The following ATM variants were observed in gnomAD, a reference collection of about 807,000 sequenced individuals.
The protein encoded by ATM is serine-protein kinase ATM.
In ATM, 308 loss-of-function variants were observed where a neutral mutation model predicts 387.0. The ratio of observed to expected loss-of-function variants is 0.80; its 90% CI spans 0.73 to 0.87. The LOEUF (loss-of-function observed/expected upper bound fraction) is 0.87. Among genes scored for constraint, ATM ranks in the 40% least tolerant of loss-of-function variants. The pLI is 0.00. For missense variants in ATM, 3,312 were observed against 3,560.9 expected (o/e 0.93, Z 1.78); for synonymous variants, 1,156 against 1,187.3 (o/e 0.97, Z 0.54).
chr11:108,301,669 T>A lies in ATM; in HGVS notation c.5199T>A (p.Ala1733=). The part of the protein sequence containing the change: ...VEDCVKVRSA[A]VTCLKNILAT... ...TCAGTGTCAAAGTTCGATCAGCAGC[T>A]GTTACCTGTTTGAAAAACATTTTAG... Residue 1733 remains alanine (A), a synonymous_variant, in exon 35 of 63, where the codon GCT becomes GCA. Transcript: ENST00000675843. The A allele has an allele frequency of 6.2e-7, 1 of 1,613,760 alleles. No homozygotes were observed. The highest frequency in any genetic ancestry group is 2.2e-5 in the East Asian group (1 of 44,790).
intron 61 of ATM, among the ~76,000 whole-genome samples, chr11:108,364,223 T>G (rs1309961896): frequency 1.3e-5 from 2 of 152,226 alleles, no homozygotes; most frequent in East Asian, 3.8e-4. Context: ...AGCAAAAAAG[T>G]GTTCCAACCT....
intron 27 of ATM, 70 bp downstream of exon 27, chr11:108,287,785 ACCTTCAATGTCT>A: frequency 9.4e-7 from 1 of 1,068,682 alleles, no homozygotes; most frequent in Middle Eastern, 2.0e-4. Flanking sequence ...ATTGGTTGAC[ACCTTCAATGTCT>A]ATTTCAATTT....
chr11:108,272,664 G>A, intron 21 of ATM, 57 bp downstream of exon 21: 1 of 1,612,730 alleles, frequency 6.2e-7, no homozygotes, highest in East Asian at 2.2e-5. Flanking sequence ...AGCAGTCTTT[G>A]TTTGTTAATG....
chr11:108,253,102 C>T (rs2080242898), intron 12 of ATM, among the ~76,000 whole-genome samples, 190 bp downstream of exon 12: 2 of 151,952 alleles, frequency 1.3e-5, no homozygotes, highest in Admixed American at 1.3e-4. Context: ...AACATTAGAC[C>T]AAGCTTACTA....
chr11:108,338,123 C>T (rs1052779512), intron 56 of ATM, among the ~76,000 whole-genome samples: 2 of 152,176 alleles, frequency 1.3e-5, no homozygotes, highest in Non-Finnish European at 2.9e-5. Context: ...CCGAGGTGGG[C>T]GGATCACTTG....
At chr11:108,322,696 A>G (rs1484999728) in intron 45 of ATM, among the ~76,000 whole-genome samples, 22 of 152,066 alleles carry the variant, frequency 1.4e-4, no homozygotes, top group Admixed American at 1.4e-3. Context: ...TTTATTAAAC[A>G]TTTTCCAAAA....
intron 16 of ATM, among the ~76,000 whole-genome samples, chr11:108,266,761 A>G (rs1021959519): frequency 9.9e-5 from 15 of 151,598 alleles, no homozygotes; most frequent in African/African-American, 1.5e-4. Flanking sequence ...ATACTTACAC[A>G]TGAACCTTGA....
At chr11:108,328,798 T>A (rs2085951808) in intron 48 of ATM, among the ~76,000 whole-genome samples, 2 of 152,194 alleles carry the variant, frequency 1.3e-5, no homozygotes, top group African/African-American at 4.8e-5. Flanking sequence ...CTCATAATGT[T>A]TTAAGAAAAT....
At chr11:108,358,753 T>G (rs1209741388) in intron 61 of ATM, among the ~76,000 whole-genome samples, 2 of 147,442 alleles carry the variant, frequency 1.4e-5, no homozygotes, top group African/African-American at 5.0e-5. Context: ...GCTGAGAGAT[T>G]TTGTCACCAC....
chr11:108,290,013 A>G, intron 29 of ATM: 1 of 475,198 alleles, frequency 2.1e-6, no homozygotes, highest in Admixed American at 3.5e-5. Flanking sequence ...GCATACCACC[A>G]TGCCTGACTA....
chr11:108,331,427 C>CT lies in ATM; in HGVS notation c.7516-9dup, dbSNP rs573494809. On this transcript the variant is annotated splice_polypyrimidine_tract_variant and intron_variant, in intron 50 of 62. Coordinates refer to ENST00000675843, the MANE Select transcript of ATM (RefSeq NM_000051.4). ...AATACCTTGTTTCTTAATTTTGTGT[C>CT]TTTTTTTTAATGGTAGAGAGACGGA... 237 of 1,596,148 alleles carry CT rather than the reference C, an allele frequency of 1.5e-4. No homozygotes were observed. The highest frequency in any genetic ancestry group is 1.3e-3 in the East Asian group (58 of 43,704).
intron 22 of ATM, among the ~76,000 whole-genome samples, chr11:108,275,217 A>G (rs1216520857): frequency 2.0e-5 from 3 of 152,094 alleles, no homozygotes. Flanking sequence ...TGCTTGGTAA[A>G]TATTCCTCCA....
chr11:108,288,153 T>G (rs888702799), intron 27 of ATM, among the ~76,000 whole-genome samples: 2 of 151,928 alleles, frequency 1.3e-5, no homozygotes, highest in Non-Finnish European at 2.9e-5. Context: ...CACTGCAACC[T>G]CTGTCTTCCA....
intron 35 of ATM, among the ~76,000 whole-genome samples, chr11:108,302,164 C>G (rs1328174631): frequency 6.6e-6 from 1 of 152,092 alleles, no homozygotes; most frequent in Non-Finnish European, 1.5e-5. Context: ...GTTAACATAT[C>G]ACAATCCCCT....
chr11:108,343,514 T>C, intron 57 of ATM, 143 bp downstream of exon 57: 1 of 995,794 alleles, frequency 1.0e-6, no homozygotes, highest in Non-Finnish European at 1.5e-6. Flanking sequence ...GAAAAACTCA[T>C]CAGAATGAAA....
intron 14 of ATM, among the ~76,000 whole-genome samples, chr11:108,256,565 G>C (rs898519699): frequency 1.3e-5 from 2 of 152,024 alleles, no homozygotes; most frequent in African/African-American, 4.8e-5. Context: ...ATGATGTAGA[G>C]CATGCAGGTT....
At position 108,326,077 on chromosome 11, in the gene ATM, T is replaced by G. The variant is rs753389616; in HGVS notation, c.6827T>G (p.Phe2276Cys). The change falls in exon 47 of 63, where the codon TTT becomes TGT. Residue 2276 changes from phenylalanine to cysteine, a missense_variant. This residue lies in a region of ATM where 1,405 missense variants were observed against 1,604.4 expected (regional missense o/e 0.88). Coordinates refer to ENST00000675843, the MANE Select transcript of ATM (RefSeq NM_000051.4). ...KNTQLPERAI[F>C]QIKQYNSVSC... The stretch of plus-strand genomic sequence containing the variant: ...TTTCAGCTCCCTGAAAGGGCAATAT[T>G]TCAAATTAAACAGTACAATTCAGTT... 1.2e-6 allele frequency: 2 copies of G among 1,614,126 alleles called. No homozygotes were observed. The highest frequency in any genetic ancestry group is 2.2e-5 in the South Asian group (2 of 91,082).
At chr11:108,287,863 G>A (rs2082576830) in intron 27 of ATM, 148 bp downstream of exon 27, 1 of 620,416 alleles carries the variant, frequency 1.6e-6, no homozygotes, top group African/African-American at 1.8e-5. Context: ...TTTGAATTGA[G>A]GTAATTACCT....
chr11:108,227,761 C>A lies in ATM; in HGVS notation c.73-15C>A, dbSNP rs1216989217. 1 of 1,612,626 alleles carries A rather than the reference C, an allele frequency of 6.2e-7. No homozygotes were observed. Among genetic ancestry groups the A allele is most frequent in the East Asian group, 2.2e-5 (1 of 44,786 alleles). Reference sequence around the variant, plus strand: ...TGTGATTAGTAACCCATTATTATTTCCTTTTTATTTTCAGAAAGAAGTTGA... The same window carrying A: ...TGTGATTAGTAACCCATTATTATTTACTTTTTATTTTCAGAAAGAAGTTGA... On this transcript the variant is annotated splice_polypyrimidine_tract_variant and intron_variant, in intron 2 of 62. Transcript: ENST00000675843.
Sources: allele counts gnomAD v4.1 joint callset (sites outside exome capture counted in the v4.1 genomes callset), GRCh38; gene constraint gnomAD v4.1.1; regional missense constraint gnomAD v4.1.1; transcripts MANE v1.5; gene names NCBI Gene and HGNC (gene_info 2026-07-23, HGNC 2026-07-21).